The following FBN1 variants were observed in gnomAD, a reference collection of about 807,000 sequenced individuals.
FBN1 encodes the protein fibrillin 1, also known as fibrillin-1.
A neutral mutation model predicts 365.1 loss-of-function variants in FBN1; 29 were observed. The observed-to-expected ratio is 0.08, with a 90% CI of 0.06 to 0.11. FBN1 has a LOEUF of 0.11. FBN1 is among the 10% of genes least tolerant of loss of function. The pLI, the probability that FBN1 is intolerant of heterozygous loss-of-function variation, is 1.00. For synonymous variants in FBN1, 1,210 were observed against 1,270.5 expected (o/e 0.95, Z 1.01); for missense variants, 2,476 against 3,703.2 (o/e 0.67, Z 8.60).
At position 48,564,214 on chromosome 15, in the gene FBN1, C is replaced by G. The variant is rs1176320168; in HGVS notation, c.539-26406G>C. On this transcript the variant is annotated intron_variant, in intron 6 of 65. Transcript: ENST00000316623. ...CTGTGATTAGCTGAACTTTGCTCAC[C>G]CATCACCTTCATCATCACACAGACA... 3.3e-5 allele frequency among the ~76,000 whole-genome samples: 5 copies of G among 152,102 alleles called. No homozygotes were observed. In the East Asian group the frequency reaches 7.7e-4, roughly 23 times the overall value.
intron 42 of FBN1, among the ~76,000 whole-genome samples, chr15:48,462,351 C>CTT (rs5812454): frequency 4.0e-5 from 6 of 151,142 alleles, no homozygotes; most frequent in African/African-American, 1.5e-4. Flanking sequence ...GCAATTTAGC[C>CTT]TTTTTTTTTT....
chr15:48,615,487 T>C (rs11856012), intron 2 of FBN1, among the ~76,000 whole-genome samples: 17,752 of 152,162 alleles, frequency 0.12, 1,217 homozygotes, highest in Non-Finnish European at 0.15. Flanking sequence ...ATAAACATTC[T>C]TTTTTTAATG....
At chr15:48,463,811 C>T in intron 41 of FBN1, 88 bp downstream of exon 41, 2 of 1,404,304 alleles carry the variant, frequency 1.4e-6, no homozygotes, top group Non-Finnish European at 2.0e-6. Flanking sequence ...TGATGAGTAA[C>T]ATCACCCTAA....
chr15:48,620,539 C>A (rs1312710758), intron 2 of FBN1, among the ~76,000 whole-genome samples: 1 of 152,054 alleles, frequency 6.6e-6, no homozygotes, highest in Non-Finnish European at 1.5e-5. Context: ...ATCTAGCTCC[C>A]CATGTTAGCA....
At chr15:48,465,138 C>T (rs1315020563) in intron 40 of FBN1, among the ~76,000 whole-genome samples, 1 of 152,132 alleles carries the variant, frequency 6.6e-6, no homozygotes, top group Non-Finnish European at 1.5e-5. Flanking sequence ...GCCAAAGGGC[C>T]GCCTTCTAGG....
intron 6 of FBN1, among the ~76,000 whole-genome samples, chr15:48,544,741 G>A (rs923599422): frequency 4.6e-5 from 7 of 152,032 alleles, no homozygotes; most frequent in African/African-American, 1.7e-4. Flanking sequence ...CAGAGTAAAA[G>A]AATATCTCAT....
At position 48,409,116 on chromosome 15, in the gene FBN1, C is replaced by G. The variant is rs2042840745; in HGVS notation, c.*1874G>C. 1 of 152,180 alleles carries G rather than the reference C, an allele frequency of 6.6e-6. No individual in the cohort carries two copies. Among genetic ancestry groups the G allele is most frequent in the African/African-American group, 2.4e-5 (1 of 41,434 alleles). 9.4% of individuals were successfully genotyped at this position (152,180 alleles called of 1,614,324 possible). On this transcript the variant is annotated 3_prime_UTR_variant, in exon 66 of 66. Coordinates refer to ENST00000316623, the MANE Select transcript of FBN1 (RefSeq NM_000138.5). ...AACAAAATTAGAGATACAAAAATAC[C>G]TTTAAGATGTTAATGGCCTGTTAGG... is the stretch of plus-strand genomic sequence containing the variant.
chr15:48,420,979 G>A lies in FBN1; in HGVS notation c.7700-173C>T, dbSNP rs373080521. ...AAGTCCAAGGAGAAAATCATTCAGA[G>A]AGCCCTGGCAAAGTCTACAAATAAA... On this transcript the variant is annotated intron_variant, in intron 62 of 65. Coordinates refer to ENST00000316623, the MANE Select transcript of FBN1 (RefSeq NM_000138.5). Among the ~76,000 whole-genome samples, 59 of 152,290 alleles carry A rather than the reference G, an allele frequency of 3.9e-4. 1 individual carries two copies. The South Asian group carries it at 0.012, about 30-fold the overall frequency.
chr15:48,527,269 C>T (rs943614257), intron 8 of FBN1, among the ~76,000 whole-genome samples: 2 of 152,214 alleles, frequency 1.3e-5, no homozygotes, highest in Non-Finnish European at 2.9e-5. Context: ...AGTAAAATTC[C>T]CTTAGGACAA....
intron 46 of FBN1, among the ~76,000 whole-genome samples, chr15:48,447,374 A>T (rs1243118524): frequency 6.6e-6 from 1 of 152,174 alleles, no homozygotes; most frequent in Non-Finnish European, 1.5e-5. Flanking sequence ...ACCAATGATG[A>T]CTTCTCTCAC....
intron 22 of FBN1, 58 bp from the exon 23 acceptor site, chr15:48,494,312 CT>C: frequency 7.6e-7 from 1 of 1,309,994 alleles, no homozygotes. Context: ...AATATCCAGA[CT>C]TTGCAGTTCT....
At chr15:48,431,491 T>C (rs2043022456) in intron 55 of FBN1, among the ~76,000 whole-genome samples, 1 of 152,076 alleles carries the variant, frequency 6.6e-6, no homozygotes, top group African/African-American at 2.4e-5. Context: ...AATTATAATA[T>C]AATGGATATA....
intron 55 of FBN1, among the ~76,000 whole-genome samples, chr15:48,432,188 G>C (rs2043027591): frequency 6.6e-6 from 1 of 151,926 alleles, no homozygotes; most frequent in South Asian, 2.1e-4. Context: ...AATTTATTCT[G>C]CATATGATTA....
At chr15:48,444,729 CA>C (rs2043140783) in intron 48 of FBN1, 69 bp from the exon 49 acceptor site, 31 of 1,540,284 alleles carry the variant, frequency 2.0e-5, no homozygotes, top group Non-Finnish European at 2.5e-5. Flanking sequence ...AATTAAAATT[CA>C]AAAAAACTAG....
In FBN1 at chr15:48,438,896, C is replaced by T. The variant is rs537935866; in HGVS notation, c.6164-979G>A. The stretch of plus-strand genomic sequence containing the variant: ...CTTGACTTCTTAAAGCCTTCCAAAA[C>T]TCCTCTCATTACACAGAGGCCACAA... On this transcript the variant is annotated intron_variant, in intron 50 of 65. Transcript: ENST00000316623. Among the ~76,000 whole-genome samples, 3 of 152,308 alleles carry T rather than the reference C, an allele frequency of 2.0e-5. No individual in the cohort carries two copies. The South Asian group carries it at 6.2e-4, about 32-fold the overall frequency.
chr15:48,513,963 C>A lies in FBN1; in HGVS notation c.1469-295G>T, dbSNP rs565601392. Reference sequence around the variant, plus strand: ...CTTCCTTGAGTCTGATCTAAGAGGACCAAACAGACTAACATTTCAGAAGTG... The same window carrying A: ...CTTCCTTGAGTCTGATCTAAGAGGAACAAACAGACTAACATTTCAGAAGTG... On this transcript the variant is annotated intron_variant, in intron 12 of 65. Transcript: ENST00000316623. 1.2e-4 allele frequency among the ~76,000 whole-genome samples: 18 copies of A among 152,238 alleles called. No individual in the cohort carries two copies. In the South Asian group the frequency reaches 2.5e-3, roughly 21 times the overall value.
At chr15:48,556,715 A>G (rs1351833136) in intron 6 of FBN1, among the ~76,000 whole-genome samples, 1 of 152,172 alleles carries the variant, frequency 6.6e-6, no homozygotes, top group Non-Finnish European at 1.5e-5. Context: ...CTAAATTCCA[A>G]CCCTGCCCAT....
At chr15:48,634,857 C>CACACACA (rs1491343326) in intron 2 of FBN1, among the ~76,000 whole-genome samples, 2 of 69,174 alleles carry the variant, frequency 2.9e-5, no homozygotes, top group African/African-American at 6.7e-5. Flanking sequence ...AAAAAAAAAA[C>CACACACA]CACACACACA....
chr15:48,422,559 G>T (rs761927201), intron 60 of FBN1, among the ~76,000 whole-genome samples: 6 of 152,156 alleles, frequency 3.9e-5, no homozygotes, highest in Non-Finnish European at 7.4e-5. Flanking sequence ...AACAAAATCT[G>T]ATTTCTTTAG....
Sources: allele counts gnomAD v4.1 joint callset (sites outside exome capture counted in the v4.1 genomes callset), GRCh38; gene constraint gnomAD v4.1.1; transcripts MANE v1.5; gene names NCBI Gene and HGNC (gene_info 2026-07-23, HGNC 2026-07-21).